Variants in DENND5A observed in about 807,000 individuals in gnomAD.
DENND5A encodes DENN domain-containing protein 5A.
In DENND5A, 64 loss-of-function variants were observed where a neutral mutation model predicts 140.3. That is an observed-to-expected ratio of 0.46 (90% confidence interval 0.37 to 0.56). The LOEUF (loss-of-function observed/expected upper bound fraction) is 0.56, where lower values mean the gene tolerates loss of function less well. Among genes scored for constraint, DENND5A ranks in the 20% least tolerant of loss-of-function variants. The probability of loss-of-function intolerance (pLI) is 0.00; values close to 1 mark genes in which losing one functional copy is unlikely to be tolerated. For synonymous variants in DENND5A, 605 were observed against 607.7 expected, an observed-to-expected ratio of 1.00 and a Z score of 0.07; for missense variants, 1,292 against 1,593.8, an observed-to-expected ratio of 0.81 and a Z score of 3.22.
At chr11:9,207,902 A>T (rs928262353) in intron 1 of DENND5A, among the ~76,000 whole-genome samples, 3 of 152,164 alleles carry the variant, frequency 2.0e-5, no homozygotes, top group Non-Finnish European at 4.4e-5. Context: ...TCAGTTTGAA[A>T]AACATTATAA....
At chr11:9,207,399 A>T (rs1849727220) in intron 2 of DENND5A, among the ~76,000 whole-genome samples, 162 bp downstream of exon 2, 1 of 152,212 alleles carries the variant, frequency 6.6e-6, no homozygotes, top group Non-Finnish European at 1.5e-5. Context: ...GAGAGAAAGA[A>T]CCAAAGAACC....
intron 12 of DENND5A, among the ~76,000 whole-genome samples, chr11:9,157,732 G>A (rs888983257): frequency 9.2e-5 from 14 of 152,272 alleles, no homozygotes; most frequent in African/African-American, 2.9e-4. Flanking sequence ...CTGGTCTACC[G>A]TTGATGGCCA....
intron 4 of DENND5A, among the ~76,000 whole-genome samples, chr11:9,202,595 T>C (rs1849558883): frequency 6.6e-6 from 1 of 152,188 alleles, no homozygotes; most frequent in Non-Finnish European, 1.5e-5. Flanking sequence ...AAAACTCTGA[T>C]GGCTATCTAA....
At chr11:9,178,491 T>C in intron 7 of DENND5A, 125 bp from the exon 8 acceptor site, 1 of 627,228 alleles carries the variant, frequency 1.6e-6, no homozygotes, top group East Asian at 2.8e-5. Flanking sequence ...AGCTGCAAAA[T>C]CTCTACATTA....
At chr11:9,160,597 G>A in intron 12 of DENND5A, 116 bp downstream of exon 12, 1 of 787,158 alleles carries the variant, frequency 1.3e-6, no homozygotes, top group Non-Finnish European at 2.0e-6. Context: ...TCTCACTCCA[G>A]GGCACTGTGC....
At chr11:9,251,119 A>G (rs1313839261) in intron 1 of DENND5A, among the ~76,000 whole-genome samples, 1 of 147,856 alleles carries the variant, frequency 6.8e-6, no homozygotes, top group Non-Finnish European at 1.5e-5. Flanking sequence ...TGGGCAAGAG[A>G]GTGACACTCC....
chr11:9,191,600 G>C (rs938001779), intron 5 of DENND5A, among the ~76,000 whole-genome samples: 8 of 152,170 alleles, frequency 5.3e-5, no homozygotes, highest in African/African-American at 1.9e-4. Context: ...GAAATCTGTT[G>C]ATCCCTCAGA....
chr11:9,175,218 T>C (rs947468654), intron 8 of DENND5A: 1 of 151,918 alleles, frequency 6.6e-6, no homozygotes, highest in Non-Finnish European at 1.5e-5. Flanking sequence ...AGCAATAAAA[T>C]AGCACCAAAT....
intron 1 of DENND5A, among the ~76,000 whole-genome samples, chr11:9,250,443 T>C (rs1209685473): frequency 2.6e-5 from 4 of 152,194 alleles, no homozygotes; most frequent in African/African-American, 7.2e-5. Flanking sequence ...TCTACTGCAA[T>C]GTGGGCTGGA....
intron 4 of DENND5A, among the ~76,000 whole-genome samples, chr11:9,196,001 G>T (rs1444181879): frequency 6.6e-6 from 1 of 152,132 alleles, no homozygotes; most frequent in Admixed American, 6.5e-5. Context: ...CACCCAGGTT[G>T]GAGTGCAGTG....
Position 9,142,767 on chromosome 11 carries a change from TA to T in DENND5A, c.3465del (p.Phe1155LeufsTer26). 6.2e-7 allele frequency: 1 copy of T among 1,614,156 alleles called. No individual in the cohort carries two copies. The highest frequency in any genetic ancestry group is 8.5e-7 in the Non-Finnish European group (1 of 1,180,030). ...SALEQAFQHG[F>X]KSPRLFKNVF... Reference sequence around the variant, plus strand: ...ACATTTTTGAAGAGCCGGGGCGATTTAAATCCATGCTGGAAAGCCTGTTCCA... The same window carrying T: ...ACATTTTTGAAGAGCCGGGGCGATTTAATCCATGCTGGAAAGCCTGTTCCA... On this transcript the variant is annotated frameshift_variant, in exon 21 of 23. Coordinates refer to ENST00000328194, the MANE Select transcript of DENND5A (RefSeq NM_015213.4). LOFTEE classifies it high-confidence loss of function.
chr11:9,207,092 G>C, intron 2 of DENND5A: 2 of 447,428 alleles, frequency 4.5e-6, no homozygotes, highest in South Asian at 4.6e-5. Context: ...GACAAGGATT[G>C]TATCTATCTT....
At chr11:9,202,187 T>C (rs1849544664) in intron 4 of DENND5A, among the ~76,000 whole-genome samples, 1 of 152,190 alleles carries the variant, frequency 6.6e-6, no homozygotes, top group South Asian at 2.1e-4. Context: ...GTCTATGTCA[T>C]GAAAGACAAA....
chr11:9,189,191 G>A (rs2136189441), intron 5 of DENND5A, among the ~76,000 whole-genome samples: 2 of 152,342 alleles, frequency 1.3e-5, no homozygotes, highest in South Asian at 4.1e-4. Flanking sequence ...CCAAGCCTTG[G>A]CAGCTTCCAC....
chr11:9,262,492 C>A (rs993420162), intron 1 of DENND5A, among the ~76,000 whole-genome samples: 1 of 152,106 alleles, frequency 6.6e-6, no homozygotes, highest in African/African-American at 2.4e-5. Context: ...CAATGAGATG[C>A]AGTTTAATGT....
Position 9,160,737 on chromosome 11 carries a change from C to G in DENND5A, c.2412G>C (p.Trp804Cys). ...CCTGTTTCACTTGTAGTCCATGACT[C>G]CAGATCCTTTCCAGGAGATCACAAA... is the stretch of plus-strand genomic sequence containing the variant. ...ASLCDLLERI[W>C]SHGLQVKQGK... The change falls in exon 12 of 23, where the codon TGG becomes TGC. Residue 804 changes from tryptophan to cysteine, a missense_variant. Transcript: ENST00000328194. The G allele has an allele frequency of 6.2e-7, 1 of 1,613,788 alleles. No individual in the cohort carries two copies. The highest frequency in any genetic ancestry group is 8.5e-7 in the Non-Finnish European group (1 of 1,179,722).
chr11:9,141,844 C>A, intron 22 of DENND5A, 96 bp downstream of exon 22: 1 of 1,211,584 alleles, frequency 8.3e-7, no homozygotes, highest in South Asian at 2.0e-5. Context: ...CCTAAGGGCA[C>A]CTGATGAGCC....
Position 9,152,422 on chromosome 11 carries a change from G to A in DENND5A, c.2457C>T (p.Ser819=). 1 of 1,613,604 alleles carries A rather than the reference G, an allele frequency of 6.2e-7. No homozygotes were observed. The highest frequency in any genetic ancestry group is 8.5e-7 in the Non-Finnish European group (1 of 1,179,596). ...QVKQGKSALW[S]HLLHYQDNRQ... ...GGTTGTCCTGATAATGTAACAGGTG[G>A]GACCATAAGGCTGATTTCCCCTGGA... The change falls in exon 13 of 23, where the codon TCC becomes TCT. Residue 819 remains serine, a synonymous_variant. Coordinates refer to ENST00000328194, the MANE Select transcript of DENND5A (RefSeq NM_015213.4).
chr11:9,142,866 G>T, intron 20 of DENND5A, 21 bp from the exon 21 acceptor site: 1 of 1,613,314 alleles, frequency 6.2e-7, no homozygotes, highest in Non-Finnish European at 8.5e-7. Flanking sequence ...AAACAGGGGA[G>T]GGTGCCAGGC....
Sources: gnomAD v4.1 joint callset for allele counts (sites outside exome capture counted in the v4.1 genomes callset) on GRCh38, gnomAD v4.1.1 for gene constraint, MANE v1.5 for transcripts, NCBI Gene and HGNC (gene_info 2026-07-23, HGNC 2026-07-21) for gene names.